ADCK5: variants seen among roughly 807,000 people sequenced by gnomAD.
ADCK5 encodes uncharacterized aarF domain-containing protein kinase 5.
In ADCK5, 43 loss-of-function variants were observed where a neutral mutation model predicts 64.9. The ratio of observed to expected loss-of-function variants is 0.66; its 90% CI spans 0.52 to 0.85. The LOEUF is 0.85. Ranked by LOEUF, ADCK5 falls within the 40% of genes least tolerant of loss-of-function variation. The pLI, the probability that ADCK5 is intolerant of heterozygous loss-of-function variation, is 0.00. For missense variants in ADCK5, 760 were observed against 810.5 expected, an observed-to-expected ratio of 0.94 and a Z score of 0.76; for synonymous variants, 434 against 342.8, an observed-to-expected ratio of 1.27 and a Z score of -2.94.
At chr8:144,378,805 G>T (rs1367336531) in intron 1 of ADCK5, among the ~76,000 whole-genome samples, 1 of 152,004 alleles carries the variant, frequency 6.6e-6, no homozygotes, top group Non-Finnish European at 1.5e-5. Context: ...CTTGAACTCG[G>T]GAGGCGGAGA....
Position 144,391,374 on chromosome 8 carries a change from A to G in ADCK5, c.698A>G (p.Asp233Gly). ...TSVAVKVQYI[D>G]LRDRFDGDIH... ...CGCCCAGTGCAGGTGCAGTACATCG[A>G]CCTGCGGGACCGCTTTGATGGGGAC... Residue 233 changes from aspartate (D) to glycine (G), a missense_variant, in exon 7 of 15, where the codon GAC (aspartate) becomes GGC (glycine). Around this residue, in one of 2 missense-constraint regions of ADCK5, gnomAD observed 427 missense variants for 518.4 expected, o/e 0.82. Coordinates refer to ENST00000308860, the MANE Select transcript of ADCK5 (RefSeq NM_174922.5). 3 of 1,613,098 alleles carry G rather than the reference A, an allele frequency of 1.9e-6. No individual in the cohort carries two copies. The highest frequency in any genetic ancestry group is 2.5e-6 in the Non-Finnish European group (3 of 1,179,986).
rs1819821754 is a variant in ADCK5, at chr8:144,384,441, AAC to A, written c.266+1213_266+1214del. ...TGAGGATTTTCAGCCTAAAAGACAA[AAC>A]AGTCGTTCCCCACGTGGGTCTCCCT... On this transcript the variant is annotated intron_variant, in intron 3 of 14. Transcript: ENST00000308860. This position sits in a 1 kb window ranked among gnomAD's most constrained non-coding sequence, Gnocchi z 5.7. 6.6e-6 allele frequency among the ~76,000 whole-genome samples: 1 copy of A among 152,194 alleles called. No homozygotes were observed. The highest frequency in any genetic ancestry group is 6.5e-5 in the Admixed American group (1 of 15,282).
At chr8:144,380,667 T>C (rs1352153783) in intron 2 of ADCK5, among the ~76,000 whole-genome samples, 307 of 2,506 alleles carry the variant, frequency 0.12, no homozygotes, top group Non-Finnish European at 0.15. Flanking sequence ...GATTATGGGC[T>C]GGGTGTAGAA....
rs546979406 is a variant in ADCK5 at position 144,376,861 on chromosome 8, G to T, written c.13-2526G>T. On this transcript the variant is annotated intron_variant, in intron 1 of 14. Transcript: ENST00000308860. This position sits in a 1 kb window ranked among gnomAD's most constrained non-coding sequence, Gnocchi z 5.1. The stretch of plus-strand genomic sequence containing the variant: ...ATGGCCCGCCTACGAGTCGCTGCCC[G>T]GCTGCCTTGGGTTTTCCTTGTGAAT... Among the ~76,000 whole-genome samples, 2 of 152,228 alleles carry T rather than the reference G, an allele frequency of 1.3e-5. No homozygotes were observed. Among genetic ancestry groups the T allele is most frequent in the Non-Finnish European group, 2.9e-5 (2 of 68,040 alleles).
In ADCK5 at chr8:144,383,221, G is replaced by A. The variant is rs1554858674; in HGVS notation, c.257G>A (p.Arg86His). ...CGGCTCGTGGTGGATGGCATGGGGC[G>A]CTTTGGCAGGTAGGAGGGCCTGGCG... ...RMRLVVDGMG[R>H]FGRSLKVGLQ... is the part of the protein sequence containing the mutation. Residue 86 changes from arginine (R) to histidine (H), a missense_variant, in exon 3 of 15, where the codon CGC becomes CAC. Transcript: ENST00000308860. 9 of 1,577,884 alleles carry A rather than the reference G, an allele frequency of 5.7e-6. No homozygotes were observed. The Admixed American group carries it at 7.2e-5, about 13-fold the overall frequency.
Position 144,391,937 on chromosome 8 carries a change from C to G in ADCK5, c.1015-4C>G. ...GTCCACTGCAATGCCTCTCCTCTCCCCAGATAGCAGAAAAGCTCATCAAGG... is the reference window on the plus strand; with the variant it reads ...GTCCACTGCAATGCCTCTCCTCTCCGCAGATAGCAGAAAAGCTCATCAAGG... On this transcript the variant is annotated splice_polypyrimidine_tract_variant and splice_region_variant and intron_variant, in intron 9 of 14. Coordinates refer to ENST00000308860, the MANE Select transcript of ADCK5 (RefSeq NM_174922.5). 2 of 1,612,568 alleles carry G rather than the reference C, an allele frequency of 1.2e-6. No individual in the cohort carries two copies. The highest frequency in any genetic ancestry group is 1.7e-6 in the Non-Finnish European group (2 of 1,179,998).
chr8:144,388,763 CAAAAAAA>C (rs1294944738), intron 3 of ADCK5, among the ~76,000 whole-genome samples: 2 of 109,320 alleles, frequency 1.8e-5, no homozygotes, highest in Admixed American at 1.9e-4. Context: ...ACTCCGTCTC[CAAAAAAA>C]AAAAAAAAGA....
chr8:144,393,017 G>A lies in ADCK5; in HGVS notation c.1686G>A (p.Leu562=), dbSNP rs1256699308. The change falls in exon 15 of 15, where the codon CTG becomes CTA. Residue 562 remains leucine, a synonymous_variant. Coordinates refer to ENST00000308860, the MANE Select transcript of ADCK5 (RefSeq NM_174922.5). ...MRLTALLARA[L]VHLSLVPPAE... ...TGACCGCCCTCCTGGCTCGTGCTCT[G>A]GTCCACCTGAGCCTCGTGCCCCCAG... 1.3e-6 allele frequency: 2 copies of A among 1,591,490 alleles called. No homozygotes were observed. Among genetic ancestry groups the A allele is most frequent in the African/African-American group, 2.7e-5 (2 of 74,686 alleles).
intron 1 of ADCK5, 105 bp from the exon 2 acceptor site, chr8:144,379,282 G>C (rs1819499029): frequency 1.3e-6 from 1 of 779,000 alleles, no homozygotes; most frequent in Non-Finnish European, 2.0e-6. Flanking sequence ...ATTAGGTTTA[G>C]AGTTAGGCTG....
upstream of ADCK5, chr8:144,373,836 G>C: frequency 2.7e-6 from 1 of 367,582 alleles, no homozygotes; most frequent in East Asian, 4.0e-5. Context: ...TGCGCAGTGC[G>C]CCGAGGGCGG....
At chr8:144,389,765 T>C (rs1554859997) in intron 3 of ADCK5, among the ~76,000 whole-genome samples, 2 of 151,936 alleles carry the variant, frequency 1.3e-5, no homozygotes, top group South Asian at 4.2e-4. Context: ...CTCTTGACTT[T>C]GTGATCTGCC....
chr8:144,373,273 G>A, upstream of ADCK5: 1 of 153,556 alleles, frequency 6.5e-6, no homozygotes, highest in Non-Finnish European at 1.5e-5. Context: ...CAGTCCAGCA[G>A]CGGTGAGGTC....
Position 144,392,614 on chromosome 8 carries a change from G to C in ADCK5, c.1437G>C (p.Leu479=), listed in dbSNP as rs782199470. ...VLRELPRPML[L]VLRNINTVRA... is the part of the protein sequence containing the mutation. ...GGGAGCTGCCGCGGCCCATGCTGCTGGTGCTGCGCAACATCAACACCGTGC... is the reference window on the plus strand; with the variant it reads ...GGGAGCTGCCGCGGCCCATGCTGCTCGTGCTGCGCAACATCAACACCGTGC... The change falls in exon 13 of 15, where the codon CTG becomes CTC. Residue 479 remains leucine, a synonymous_variant. Transcript: ENST00000308860. 14 of 1,587,104 alleles carry C rather than the reference G, an allele frequency of 8.8e-6. No individual in the cohort carries two copies. The highest frequency in any genetic ancestry group is 9.4e-6 in the Non-Finnish European group (11 of 1,170,906).
Position 144,383,090 on chromosome 8 carries a change from C to G in ADCK5, c.126C>G (p.Ser42Arg), listed in dbSNP as rs1819750868. 4 of 1,587,514 alleles carry G rather than the reference C, an allele frequency of 2.5e-6. No individual in the cohort carries two copies. The highest frequency in any genetic ancestry group is 3.4e-6 in the Non-Finnish European group (4 of 1,167,120). The change falls in exon 3 of 15, where the codon AGC becomes AGG. Residue 42 changes from serine to arginine, a missense_variant. Around this residue, in one of 2 missense-constraint regions of ADCK5, gnomAD observed 427 missense variants for 518.4 expected, o/e 0.82. Coordinates refer to ENST00000308860, the MANE Select transcript of ADCK5 (RefSeq NM_174922.5). ...NVRGLPPRFS[S>R]PTPLWRKVLS... Reference sequence around the variant, plus strand: ...CATTGTCTCTCCTCAGGTTCTCCAGCCCCACACCCCTGTGGAGGAAGGTGC... The same window carrying G: ...CATTGTCTCTCCTCAGGTTCTCCAGGCCCACACCCCTGTGGAGGAAGGTGC...
rs201648091 is a variant in ADCK5, at chr8:144,392,807, G to C, written c.1552G>C (p.Ala518Pro). 54 of 1,591,486 alleles carry C rather than the reference G, an allele frequency of 3.4e-5. No homozygotes were observed. The African/African-American group carries it at 6.4e-4, about 19-fold the overall frequency. The change falls in exon 14 of 15, where the codon GCC (alanine) becomes CCC (proline). Residue 518 changes from alanine to proline, a missense_variant. Transcript: ENST00000308860. ...AVRGWSRLAG[A>P]TYRGVYGTSL... ...CCGGGGCTGGAGCCGCCTGGCGGGCGCCACGTATCGGGGTGTCTACGGCAC... is the reference window on the plus strand; with the variant it reads ...CCGGGGCTGGAGCCGCCTGGCGGGCCCCACGTATCGGGGTGTCTACGGCAC...
In ADCK5 at chr8:144,384,667, C is replaced by A. The variant is rs1554858962; in HGVS notation, c.266+1437C>A. On this transcript the variant is annotated intron_variant, in intron 3 of 14. Coordinates refer to ENST00000308860, the MANE Select transcript of ADCK5 (RefSeq NM_174922.5). The surrounding 1 kb of genome is among the most constrained non-coding windows in gnomAD (Gnocchi z 5.7). ...GCTGCCAGCCACCGTCCCCTGCAGC[C>A]TGGTTCTGAAATGTCGGCTTGGCAG... is the stretch of plus-strand genomic sequence containing the variant. Among the ~76,000 whole-genome samples the A allele has an allele frequency of 6.6e-6, 1 of 152,222 alleles. No homozygotes were observed. The highest frequency in any genetic ancestry group is 2.4e-5 in the African/African-American group (1 of 41,464).
rs139777404 is a variant in ADCK5 at position 144,376,611 on chromosome 8, G to A, written c.12+2504G>A. Reference sequence around the variant, plus strand: ...TGACTTTCCTGGCCTCACCTGTTTGGTGGAGCCTGTGGAAACAGCTTGCGT... The same window carrying A: ...TGACTTTCCTGGCCTCACCTGTTTGATGGAGCCTGTGGAAACAGCTTGCGT... On this transcript the variant is annotated intron_variant, in intron 1 of 14. Transcript: ENST00000308860. The surrounding 1 kb of genome is among the most constrained non-coding windows in gnomAD (Gnocchi z 5.1). Among the ~76,000 whole-genome samples, 9 of 152,358 alleles carry A rather than the reference G, an allele frequency of 5.9e-5. No homozygotes were observed. In the East Asian group the frequency reaches 1.7e-3, roughly 29 times the overall value.
rs1820258864 is a variant in ADCK5 at position 144,391,922 on chromosome 8, A to G, written c.1015-19A>G. 1 of 1,611,854 alleles carries G rather than the reference A, an allele frequency of 6.2e-7. No homozygotes were observed. Among genetic ancestry groups the G allele is most frequent in the South Asian group, 1.1e-5 (1 of 91,052 alleles). ...GCGGGCTGGTGCTGTGTCCACTGCA[A>G]TGCCTCTCCTCTCCCCAGATAGCAG... On this transcript the variant is annotated intron_variant, in intron 9 of 14. Coordinates refer to ENST00000308860, the MANE Select transcript of ADCK5 (RefSeq NM_174922.5).
In ADCK5 at chr8:144,376,775, C is replaced by T. The variant is rs1435862797; in HGVS notation, c.13-2612C>T. On this transcript the variant is annotated intron_variant, in intron 1 of 14. Coordinates refer to ENST00000308860, the MANE Select transcript of ADCK5 (RefSeq NM_174922.5). The surrounding 1 kb of genome is among the most constrained non-coding windows in gnomAD (Gnocchi z 5.1). ...CCTGATCTCGGGGCCTCTAGCCATGCATGCACTGGCACCAGAGGTGGCTAG... is the reference window on the plus strand; with the variant it reads ...CCTGATCTCGGGGCCTCTAGCCATGTATGCACTGGCACCAGAGGTGGCTAG... Among the ~76,000 whole-genome samples the T allele has an allele frequency of 6.6e-6, 1 of 152,206 alleles. No homozygotes were observed. Among genetic ancestry groups the T allele is most frequent in the Non-Finnish European group, 1.5e-5 (1 of 68,036 alleles).
Sources: gnomAD v4.1 joint callset for allele counts (sites outside exome capture counted in the v4.1 genomes callset) on GRCh38, gnomAD v4.1.1 for gene constraint, gnomAD v4.1.1 regional missense constraint, Gnocchi (gnomAD v3.1) non-coding constraint, MANE v1.5 for transcripts, NCBI Gene and HGNC (gene_info 2026-07-23, HGNC 2026-07-21) for gene names.